DENND4C: variants seen among roughly 807,000 people sequenced by gnomAD.
DENND4C encodes DENN domain-containing protein 4C.
A neutral mutation model predicts 203.0 loss-of-function variants in DENND4C; 108 were observed. That is an observed-to-expected ratio of 0.53 (90% CI 0.46 to 0.62). The LOEUF (loss-of-function observed/expected upper bound fraction) is 0.62. DENND4C is among the 20% of genes least tolerant of loss of function. The pLI is 0.00. For synonymous variants in DENND4C, 871 were observed against 792.4 expected (o/e 1.10, Z -1.67); for missense variants, 2,481 against 2,301.2 (o/e 1.08, Z -1.60).
intron 12 of DENND4C, among the ~76,000 whole-genome samples, chr9:19,323,453 A>C (rs1040601173): frequency 1.7e-4 from 25 of 151,366 alleles, no homozygotes; most frequent in Non-Finnish European, 5.9e-5. Flanking sequence ...AAAGGAATGA[A>C]GAAGAATCTA....
At chr9:19,262,123 G>C (rs548912091) in intron 1 of DENND4C, among the ~76,000 whole-genome samples, 2 of 93,810 alleles carry the variant, frequency 2.1e-5, no homozygotes, top group Non-Finnish European at 3.9e-5. Context: ...GTCTTGTTCT[G>C]TCGCCCAGGC....
Position 19,331,783 on chromosome 9 carries a change from A to T in DENND4C, c.2254-195A>T, listed in dbSNP as rs1819269933. Among the ~76,000 whole-genome samples, 3 of 152,330 alleles carry T rather than the reference A, an allele frequency of 2.0e-5. No homozygotes were observed. The South Asian group carries it at 6.2e-4, about 32-fold the overall frequency. On this transcript the variant is annotated intron_variant, in intron 16 of 32. Transcript: ENST00000434457. ...AACAAATAGATTTGGTATAGTATGA[A>T]GTATTACTGTAAATGAATGTTCAGG... is the stretch of plus-strand genomic sequence containing the variant.
chr9:19,275,008 G>C (rs1031471776), intron 1 of DENND4C, among the ~76,000 whole-genome samples: 1 of 152,160 alleles, frequency 6.6e-6, no homozygotes, highest in Non-Finnish European at 1.5e-5. Context: ...ATGGAGTCTT[G>C]CTCTGTTGTC....
Position 19,281,102 on chromosome 9 carries a change from A to T in DENND4C, c.305+4623A>T, listed in dbSNP as rs553016660. 2.0e-5 allele frequency among the ~76,000 whole-genome samples: 3 copies of T among 152,282 alleles called. No individual in the cohort carries two copies. In the East Asian group the frequency reaches 5.8e-4, roughly 29 times the overall value. On this transcript the variant is annotated intron_variant, in intron 2 of 32. Coordinates refer to ENST00000434457, the MANE Select transcript of DENND4C (RefSeq NM_001330640.2). ...CTGCCACCCCTCCCATACAGTCATG[A>T]CTGAAAGATGTGAATCTCTGCAAAA...
At chr9:19,319,165 A>C (rs1408141928) in intron 12 of DENND4C, among the ~76,000 whole-genome samples, 1 of 144,464 alleles carries the variant, frequency 6.9e-6, no homozygotes, top group East Asian at 2.0e-4. Context: ...ACTTCATCTC[A>C]AAAAAAAAAA....
At chr9:19,325,249 C>G (rs1375492082) in intron 13 of DENND4C, among the ~76,000 whole-genome samples, 1 of 151,814 alleles carries the variant, frequency 6.6e-6, no homozygotes, top group Non-Finnish European at 1.5e-5. Context: ...TTCTTTTGTT[C>G]TAATGGAGGG....
intron 12 of DENND4C, among the ~76,000 whole-genome samples, chr9:19,322,462 A>C (rs184057701): frequency 3.3e-3 from 510 of 152,288 alleles, no homozygotes; most frequent in South Asian, 0.013. Context: ...TGTACATAGA[A>C]GTAAAAGGGC....
In DENND4C at chr9:19,372,869, AAAAAAAAAAAAG is replaced by A. The variant is rs918303199; in HGVS notation, c.*698_*709del. ...GAGTGAGACCGTCTCAAAAAAAAAA[AAAAAAAAAAAAG>A]AGAGCAACATATTTGTGTAAGTTTG... is the stretch of plus-strand genomic sequence containing the variant. On this transcript the variant is annotated 3_prime_UTR_variant, in exon 33 of 33. Transcript: ENST00000434457. 3.3e-5 allele frequency: 5 copies of A among 152,190 alleles called. No individual in the cohort carries two copies. The highest frequency in any genetic ancestry group is 1.2e-4 in the African/African-American group (5 of 41,334). The allele number at this position is 152,190 out of a possible 1,614,324, so 9.4% of individuals were successfully genotyped here. A position where few individuals can be genotyped will look rare whatever the true frequency, so the allele number is the denominator to read the frequency against.
intron 2 of DENND4C, among the ~76,000 whole-genome samples, chr9:19,283,000 T>G (rs904814089): frequency 1.3e-5 from 2 of 152,068 alleles, no homozygotes; most frequent in Non-Finnish European, 2.9e-5. Context: ...ATTACAGGCG[T>G]GAGCCACCGC....
In DENND4C at chr9:19,358,495, AATG is replaced by A. The variant is rs1252082175; in HGVS notation, c.5160+340_5160+342del. 1.3e-5 allele frequency among the ~76,000 whole-genome samples: 2 copies of A among 151,962 alleles called. No individual in the cohort carries two copies. The highest frequency in any genetic ancestry group is 2.4e-5 in the African/African-American group (1 of 41,260). The stretch of plus-strand genomic sequence containing the variant: ...GTAAATATTTCAGTATGTATCCCTG[AATG>A]ATGAGGACTTTAGAAAAATATAATC... On this transcript the variant is annotated intron_variant, in intron 28 of 32. Coordinates refer to ENST00000434457, the MANE Select transcript of DENND4C (RefSeq NM_001330640.2). This position sits in a 1 kb window ranked among gnomAD's most constrained non-coding sequence, Gnocchi z 4.8.
chr9:19,305,930 T>C (rs770710201), intron 10 of DENND4C, among the ~76,000 whole-genome samples: 3 of 152,236 alleles, frequency 2.0e-5, no homozygotes, highest in Non-Finnish European at 4.4e-5. Flanking sequence ...TATAGGGTGA[T>C]ATTATACCAT....
At chr9:19,360,608 A>C in intron 29 of DENND4C, 119 bp downstream of exon 29, 1 of 1,371,892 alleles carries the variant, frequency 7.3e-7, no homozygotes, top group Admixed American at 2.3e-5. Flanking sequence ...CTCTCACTTA[A>C]AAGTTTGGAT....
Position 19,306,752 on chromosome 9 carries a change from T to TTTATTTA in DENND4C, c.1487+1228_1487+1234dup, listed in dbSNP as rs1244729875. Among the ~76,000 whole-genome samples the TTTATTTA allele has an allele frequency of 3.3e-3, 449 of 134,646 alleles. 1 individual carries two copies. The highest frequency in any genetic ancestry group is 0.015 in the African/African-American group (442 of 30,234). The allele number at this position is 134,646 out of a possible 152,430, so 88.3% of individuals were successfully genotyped here. A position where few individuals can be genotyped will look rare whatever the true frequency, so the allele number is the denominator to read the frequency against. ...TGAAGTGTTTGCACAATTGTATTTA[T>TTTATTTA]TTATTTATTTATTTATTTATTTATT... On this transcript the variant is annotated intron_variant, in intron 10 of 32. Transcript: ENST00000434457.
chr9:19,353,794 C>G (rs192910104), intron 26 of DENND4C, among the ~76,000 whole-genome samples: 1 of 151,828 alleles, frequency 6.6e-6, no homozygotes, highest in East Asian at 1.9e-4. Context: ...AAGGTTAGCC[C>G]GACACCATGG....
chr9:19,245,466 C>CAAA (rs11396447), intron 1 of DENND4C, among the ~76,000 whole-genome samples: 67,805 of 139,362 alleles, frequency 0.49, 17,442 homozygotes, highest in South Asian at 0.57. Context: ...GACTCAGTCT[C>CAAA]AAAAAAAAAA....
rs771073647 is a variant in DENND4C at position 19,332,038 on chromosome 9, A to G, written c.2314A>G (p.Lys772Glu). 1.6e-5 allele frequency: 26 copies of G among 1,613,942 alleles called. No homozygotes were observed. The highest frequency in any genetic ancestry group is 2.1e-5 in the Non-Finnish European group (25 of 1,179,986). The change falls in exon 17 of 33, where the codon AAG (lysine) becomes GAG (glutamate). Residue 772 changes from lysine (K) to glutamate (E), a missense_variant. This residue lies in a region of DENND4C where 2,289 missense variants were observed against 2,113.3 expected (regional missense o/e 1.08). Transcript: ENST00000434457. The part of the protein sequence containing the change: ...RCYTNPPQWA[K>E]CLFSHCYSLW... Reference sequence around the variant, plus strand: ...TTATACAAATCCACCACAGTGGGCCAAGTGTCTGTTTAGTCATTGTTACAG... The same window carrying G: ...TTATACAAATCCACCACAGTGGGCCGAGTGTCTGTTTAGTCATTGTTACAG...
chr9:19,370,173 G>A, intron 31 of DENND4C, 186 bp downstream of exon 31: 1 of 719,422 alleles, frequency 1.4e-6, no homozygotes, highest in Middle Eastern at 4.3e-4. Context: ...AAAAGTGTCT[G>A]GGGGCTTGGC....
At chr9:19,295,241 G>A (rs1184215180) in intron 5 of DENND4C, among the ~76,000 whole-genome samples, 1 of 151,846 alleles carries the variant, frequency 6.6e-6, no homozygotes, top group African/African-American at 2.4e-5. Context: ...GCGCAGTGGC[G>A]CACGCCGTAA....
chr9:19,336,245 A>G, intron 18 of DENND4C, 25 bp from the exon 19 acceptor site: 2 of 1,603,054 alleles, frequency 1.2e-6, no homozygotes, highest in African/African-American at 1.3e-5. Context: ...AATGAACATT[A>G]TTTTTACCCT....
Sources: allele counts gnomAD v4.1 joint callset (sites outside exome capture counted in the v4.1 genomes callset), GRCh38; gene constraint gnomAD v4.1.1; regional missense constraint gnomAD v4.1.1; non-coding constraint Gnocchi (gnomAD v3.1); transcripts MANE v1.5; gene names NCBI Gene and HGNC (gene_info 2026-07-23, HGNC 2026-07-21).